The following NCOA2 variants were observed in gnomAD, a reference collection of about 807,000 sequenced individuals.
The protein encoded by NCOA2 is class E basic helix-loop-helix protein 75.
Under a neutral mutation model 145.1 loss-of-function variants are expected in NCOA2, and 21 were observed. The ratio of observed to expected loss-of-function variants is 0.14; its 90% CI spans 0.10 to 0.21. NCOA2 has a LOEUF of 0.21. NCOA2 is among the 10% of genes least tolerant of loss of function. The pLI, the probability that NCOA2 is intolerant of heterozygous loss-of-function variation, is 1.00. For missense variants in NCOA2, 1,472 were observed against 1,837.6 expected, an observed-to-expected ratio of 0.80 and a Z score of 3.64; for synonymous variants, 619 against 637.5, an observed-to-expected ratio of 0.97 and a Z score of 0.44.
intron 2 of NCOA2, among the ~76,000 whole-genome samples, chr8:70,246,310 T>C (rs192419149): frequency 1.2e-3 from 181 of 152,208 alleles, no homozygotes; most frequent in African/African-American, 4.2e-3. Context: ...AAGCAAGCAA[T>C]TTGAGGAAGA....
intron 12 of NCOA2, 150 bp downstream of exon 12, chr8:70,148,123 T>C: frequency 1.4e-6 from 1 of 715,338 alleles, no homozygotes; most frequent in Non-Finnish European, 2.4e-6. Flanking sequence ...TTTTGAATAC[T>C]GTTTCAAAAG....
At chr8:70,283,401 G>C (rs1238442532) in intron 2 of NCOA2, among the ~76,000 whole-genome samples, 1 of 152,178 alleles carries the variant, frequency 6.6e-6, no homozygotes, top group East Asian at 1.9e-4. Context: ...ATTTCTAGAA[G>C]CAATCTTTCA....
At chr8:70,254,107 C>T (rs535705594) in intron 2 of NCOA2, among the ~76,000 whole-genome samples, 4 of 152,240 alleles carry the variant, frequency 2.6e-5, no homozygotes, top group East Asian at 1.9e-4. Context: ...TCTCCAAAGA[C>T]GACACACAAA....
chr8:70,285,911 T>A (rs962809797), intron 2 of NCOA2, among the ~76,000 whole-genome samples: 1 of 152,190 alleles, frequency 6.6e-6, no homozygotes, highest in African/African-American at 2.4e-5. Flanking sequence ...TAGTTTCAGG[T>A]TCAAATTCCA....
At chr8:70,261,188 A>T (rs1370619157) in intron 2 of NCOA2, among the ~76,000 whole-genome samples, 4 of 152,202 alleles carry the variant, frequency 2.6e-5, no homozygotes, top group Non-Finnish European at 4.4e-5. Context: ...AATAGCAAAG[A>T]CTTGGAACCA....
chr8:70,308,977 T>C (rs1828098375), intron 1 of NCOA2, among the ~76,000 whole-genome samples: 1 of 152,150 alleles, frequency 6.6e-6, no homozygotes, highest in Non-Finnish European at 1.5e-5. Context: ...CAAGAGAATA[T>C]AGCAGCAGCA....
At chr8:70,412,518 T>C in the NCOA2 span, among the ~76,000 whole-genome samples, 4 of 149,394 alleles carry the variant, frequency 2.7e-5, no homozygotes, top group African/African-American at 9.8e-5. Context: ...TCTAGATATA[T>C]ATTAAAAGTA....
intron 2 of NCOA2, among the ~76,000 whole-genome samples, chr8:70,248,070 G>A (rs1822776930): frequency 6.6e-6 from 1 of 152,178 alleles, no homozygotes; most frequent in Non-Finnish European, 1.5e-5. Flanking sequence ...GTTTACAAGG[G>A]AATTAGACTA....
At chr8:70,222,654 T>C (rs1453122495) in intron 2 of NCOA2, among the ~76,000 whole-genome samples, 1 of 152,182 alleles carries the variant, frequency 6.6e-6, no homozygotes, top group African/African-American at 2.4e-5. Context: ...ATAAACACAT[T>C]AGGCTGCAAA....
At chr8:70,372,573 A>G (rs1811319306) in intron 1 of NCOA2, among the ~76,000 whole-genome samples, 1 of 152,218 alleles carries the variant, frequency 6.6e-6, no homozygotes, top group Non-Finnish European at 1.5e-5. Flanking sequence ...GAACAGCAGA[A>G]TTCATACACT....
intron 6 of NCOA2, among the ~76,000 whole-genome samples, chr8:70,167,714 A>G (rs1212607703): frequency 2.6e-5 from 4 of 152,238 alleles, no homozygotes; most frequent in Non-Finnish European, 5.9e-5. Flanking sequence ...CTATTTGAGT[A>G]TTAAAACTAA....
At chr8:70,314,137 G>A (rs527382925) in intron 1 of NCOA2, among the ~76,000 whole-genome samples, 25 of 117,152 alleles carry the variant, frequency 2.1e-4, no homozygotes, top group Non-Finnish European at 3.4e-4. Context: ...CCGAGATCAC[G>A]CCACTGCACT....
chr8:70,424,138 G>T, the NCOA2 span: 1 of 195,490 alleles, frequency 5.1e-6, no homozygotes, highest in Non-Finnish European at 1.0e-5. Flanking sequence ...GTGCTTCTTG[G>T]ACACAGCCAT....
chr8:70,387,939 G>A (rs1209686820), intron 1 of NCOA2, among the ~76,000 whole-genome samples: 1 of 152,202 alleles, frequency 6.6e-6, no homozygotes, highest in Non-Finnish European at 1.5e-5. Flanking sequence ...AGGCATGCAG[G>A]TGAGCAAGGC....
chr8:70,236,997 G>A (rs1288479227), intron 2 of NCOA2, among the ~76,000 whole-genome samples: 1 of 152,108 alleles, frequency 6.6e-6, no homozygotes, highest in Non-Finnish European at 1.5e-5. Flanking sequence ...TTGAAAGACA[G>A]AAAGGAAGTA....
chr8:70,344,864 CAAG>C lies in NCOA2; in HGVS notation c.-76-48067_-76-48065del, dbSNP rs1348172313. Among the ~76,000 whole-genome samples, 22 of 152,288 alleles carry C rather than the reference CAAG, an allele frequency of 1.4e-4. No homozygotes were observed. In the East Asian group the frequency reaches 4.2e-3, roughly 29 times the overall value. ...AAAAATAATAAACACTTAAGTGTCT[CAAG>C]AAGACAATTTATTTAATGTAAAATG... On this transcript the variant is annotated intron_variant, in intron 1 of 22. Coordinates refer to ENST00000452400, the MANE Select transcript of NCOA2 (RefSeq NM_006540.4).
intron 1 of NCOA2, among the ~76,000 whole-genome samples, chr8:70,347,959 A>G (rs891126688): frequency 2.4e-4 from 36 of 152,220 alleles, no homozygotes; most frequent in African/African-American, 8.2e-4. Context: ...GAAATAAAAA[A>G]CAACTGTAAT....
chr8:70,445,457 G>A, the NCOA2 span, among the ~76,000 whole-genome samples: 1 of 152,096 alleles, frequency 6.6e-6, no homozygotes, highest in Admixed American at 6.5e-5. Context: ...ATATTGAGCC[G>A]AGCCTGTAAC....
intron 13 of NCOA2, among the ~76,000 whole-genome samples, chr8:70,143,781 A>G (rs1044755441): frequency 6.6e-6 from 1 of 152,218 alleles, no homozygotes; most frequent in African/African-American, 2.4e-5. Flanking sequence ...AACACCTACC[A>G]CTATAAGTTC....
Sources: allele counts gnomAD v4.1 joint callset (sites outside exome capture counted in the v4.1 genomes callset), GRCh38; gene constraint gnomAD v4.1.1; transcripts MANE v1.5; gene names NCBI Gene and HGNC (gene_info 2026-07-23, HGNC 2026-07-21).